Variants in CHAT observed in about 807,000 individuals in gnomAD.
CHAT encodes choline O-acetyltransferase, also known as acetyl CoA:choline O-acetyltransferase.
Under a neutral mutation model 76.9 loss-of-function variants are expected in CHAT, and 61 were observed. That is an observed-to-expected ratio of 0.79 (90% CI 0.65 to 0.98). The LOEUF (loss-of-function observed/expected upper bound fraction) is 0.98, where lower values mean the gene tolerates loss of function less well. Among genes scored for constraint, CHAT ranks in the 50% least tolerant of loss-of-function variants. The pLI, the probability that CHAT is intolerant of heterozygous loss-of-function variation, is 0.00. For synonymous variants in CHAT, 407 were observed against 397.4 expected, an observed-to-expected ratio of 1.02 and a Z score of -0.29; for missense variants, 946 against 986.9, an observed-to-expected ratio of 0.96 and a Z score of 0.56.
chr10:49,642,172 G>A (rs1564485154), intron 7 of CHAT, among the ~76,000 whole-genome samples: 1 of 152,204 alleles, frequency 6.6e-6, no homozygotes, highest in Non-Finnish European at 1.5e-5. Flanking sequence ...CGATGTGCTC[G>A]ATGAGGATGC....
At chr10:49,645,695 C>G (rs558550536) in intron 7 of CHAT, among the ~76,000 whole-genome samples, 11 of 152,310 alleles carry the variant, frequency 7.2e-5, no homozygotes, top group Admixed American at 7.2e-4. Flanking sequence ...CTGTGCCTGA[C>G]TCCCGCTCCT....
rs559514588 is a variant in CHAT, at chr10:49,619,529, G to A, written c.388-196G>A. Among the ~76,000 whole-genome samples, 5 of 152,296 alleles carry A rather than the reference G, an allele frequency of 3.3e-5. No individual in the cohort carries two copies. In the East Asian group the frequency reaches 5.8e-4, roughly 18 times the overall value. The stretch of plus-strand genomic sequence containing the variant: ...TGCACTTTATCCCTTTCTGGGGACA[G>A]AGCACAATGAGGTCAGGGACGCCAA... On this transcript the variant is annotated intron_variant, in intron 2 of 14. Coordinates refer to ENST00000337653, the MANE Select transcript of CHAT (RefSeq NM_020549.5).
intron 7 of CHAT, among the ~76,000 whole-genome samples, chr10:49,642,762 G>T (rs1184668310): frequency 6.6e-6 from 1 of 152,244 alleles, no homozygotes; most frequent in Non-Finnish European, 1.5e-5. Flanking sequence ...ACTAAGCCAG[G>T]GCTCTCAGAG....
intron 1 of CHAT, chr10:49,615,794 G>T: frequency 3.6e-6 from 2 of 548,272 alleles, no homozygotes; most frequent in South Asian, 2.8e-5. Flanking sequence ...GCCCCTAGGG[G>T]CCCTGGCTGC....
intron 7 of CHAT, among the ~76,000 whole-genome samples, chr10:49,639,107 C>A (rs568555895): frequency 5.2e-4 from 79 of 152,080 alleles, no homozygotes; most frequent in Non-Finnish European, 9.0e-4. Flanking sequence ...TGGTGGCAGG[C>A]GCCTGTAATC....
chr10:49,639,441 G>A (rs758585801), intron 7 of CHAT, among the ~76,000 whole-genome samples: 1 of 141,846 alleles, frequency 7.0e-6, no homozygotes, highest in Non-Finnish European at 1.5e-5. Flanking sequence ...AAAATATTAT[G>A]GCAATTCCTT....
upstream of CHAT, among the ~76,000 whole-genome samples, chr10:49,613,707 G>A (rs571472327): frequency 6.6e-6 from 1 of 152,190 alleles, no homozygotes; most frequent in South Asian, 2.1e-4. Flanking sequence ...TGTCTGAGAG[G>A]AGAGCCTGCC....
At chr10:49,655,573 G>A (rs1335675963) in intron 13 of CHAT, 125 bp downstream of exon 13, 5 of 855,360 alleles carry the variant, frequency 5.8e-6, no homozygotes, top group African/African-American at 5.0e-5. Context: ...GACTTGGCAA[G>A]GCCACTTCAC....
chr10:49,622,265 G>A (rs1838757861), intron 5 of CHAT, 115 bp downstream of exon 5: 1 of 1,144,342 alleles, frequency 8.7e-7, no homozygotes, highest in African/African-American at 1.5e-5. Flanking sequence ...TCCTGGCACA[G>A]AGCAGATGTC....
chr10:49,610,040 CG>C (rs565783496), upstream of CHAT, among the ~76,000 whole-genome samples: 94 of 151,178 alleles, frequency 6.2e-4, no homozygotes, highest in East Asian at 0.015. Flanking sequence ...AGGCAGGGGG[CG>C]GGGGGCAGAG....
intron 9 of CHAT, 119 bp downstream of exon 9, chr10:49,648,726 T>C (rs1168208614): frequency 1.0e-5 from 6 of 584,034 alleles, no homozygotes; most frequent in African/African-American, 1.9e-5. Flanking sequence ...ATGTGTACTA[T>C]ACACACACAC....
chr10:49,609,333 G>C (rs1327166088), upstream of CHAT: 1 of 152,428 alleles, frequency 6.6e-6, no homozygotes, highest in Non-Finnish European at 1.5e-5. Context: ...GCCCACCCGG[G>C]GCTTGGAGGA....
chr10:49,631,658 GA>G (rs1302134638), intron 7 of CHAT, among the ~76,000 whole-genome samples: 3 of 152,314 alleles, frequency 2.0e-5, no homozygotes, highest in Admixed American at 2.0e-4. Context: ...ATGTGAACTA[GA>G]AAGCCAGGAA....
Position 49,625,546 on chromosome 10 carries a change from CTCT to C in CHAT, c.830_832del (p.Phe277del). Reference sequence around the variant, plus strand: ...CCTTTGCATGAAGCAATACTATGGGCTCTTCTCCTCCTACCGGCTCCCCGGCCA... The same window carrying C: ...CCTTTGCATGAAGCAATACTATGGGCTCTCCTCCTACCGGCTCCCCGGCCA... On this transcript the variant is annotated inframe_deletion, in exon 6 of 15. Transcript: ENST00000337653. 1 of 1,613,754 alleles carries C rather than the reference CTCT, an allele frequency of 6.2e-7. No individual in the cohort carries two copies. Among genetic ancestry groups the C allele is most frequent in the Non-Finnish European group, 8.5e-7 (1 of 1,179,958 alleles).
At chr10:49,662,504 C>T in intron 13 of CHAT, 141 bp from the exon 14 acceptor site, 6 of 1,088,094 alleles carry the variant, frequency 5.5e-6, no homozygotes, top group South Asian at 1.3e-5. Flanking sequence ...GCCACTCATA[C>T]ACATTGTTGG....
rs746229284 is a variant in CHAT, at chr10:49,616,511, T to C, written c.296T>C (p.Leu99Pro). 6.2e-7 allele frequency: 1 copy of C among 1,612,034 alleles called. No homozygotes were observed. The highest frequency in any genetic ancestry group is 1.1e-5 in the South Asian group (1 of 90,618). ...ACTTCTTGGTCCCCAGGTCCACACC[T>C]CTGCATCCCTGCACCAGGACTCACC... ...AAEPRRAGPH[L>P]CIPAPGLTKT... The change falls in exon 2 of 15, where the codon CTC becomes CCC. Residue 99 changes from leucine (L) to proline (P), a missense_variant. Leu to Pro is a moderately conservative substitution (Grantham distance 98, BLOSUM62 -3). This residue lies in a region of CHAT where 548 missense variants were observed against 516.2 expected (regional missense o/e 1.06). Coordinates refer to ENST00000337653, the MANE Select transcript of CHAT (RefSeq NM_020549.5).
In CHAT at chr10:49,665,979, C is replaced by A. The variant is rs1840332306; in HGVS notation, c.*933C>A. On this transcript the variant is annotated 3_prime_UTR_variant, in exon 15 of 15. Transcript: ENST00000337653. ...AGAGAGATGGTTACTTTGGGTTTTT[C>A]CATTATCTGTTTTGTTTTAAGACAG... Among the ~76,000 whole-genome samples the A allele has an allele frequency of 6.6e-6, 1 of 152,178 alleles. No homozygotes were observed. The highest frequency in any genetic ancestry group is 2.1e-4 in the South Asian group (1 of 4,828).
Position 49,652,017 on chromosome 10 carries a change from G to C in CHAT, c.1634+11G>C, listed in dbSNP as rs764193541. On this transcript the variant is annotated intron_variant, in intron 11 of 14. Transcript: ENST00000337653. ...GCTGGCCTTCTACAGGTGAGTGAAG[G>C]TGGAGTGAGTCTGTACCCTGGAGGG... 9.3e-6 allele frequency: 15 copies of C among 1,614,046 alleles called. No individual in the cohort carries two copies. The highest frequency in any genetic ancestry group is 1.6e-4 in the Middle Eastern group (1 of 6,084).
intron 3 of CHAT, 51 bp from the exon 4 acceptor site, chr10:49,620,443 AG>A: frequency 8.2e-7 from 1 of 1,216,516 alleles, no homozygotes. Flanking sequence ...CGGGGCTGTC[AG>A]GATGGGACTG....
Sources: gnomAD v4.1 joint callset for allele counts (sites outside exome capture counted in the v4.1 genomes callset) on GRCh38, gnomAD v4.1.1 for gene constraint, gnomAD v4.1.1 regional missense constraint, MANE v1.5 for transcripts, NCBI Gene and HGNC (gene_info 2026-07-23, HGNC 2026-07-21) for gene names.